The following EYA1 variants were observed in gnomAD, a reference collection of about 807,000 sequenced individuals.
EYA1 encodes protein phosphatase EYA1.
EYA1 carries 16 observed loss-of-function variants against 82.0 expected under a neutral mutation model. The observed-to-expected ratio is 0.20, with a 90% confidence interval of 0.13 to 0.30. The LOEUF (loss-of-function observed/expected upper bound fraction) is 0.30. EYA1 is among the 10% of genes least tolerant of loss of function. The pLI is 1.00. For synonymous variants in EYA1, 261 were observed against 264.4 expected, an observed-to-expected ratio of 0.99 and a Z score of 0.12; for missense variants, 633 against 730.7, an observed-to-expected ratio of 0.87 and a Z score of 1.54.
At chr8:71,237,120 C>T (rs1465653315) in intron 12 of EYA1, among the ~76,000 whole-genome samples, 2 of 151,628 alleles carry the variant, frequency 1.3e-5, no homozygotes, top group Non-Finnish European at 2.9e-5. Flanking sequence ...GGCATGATCT[C>T]GGCTTACTGC....
At chr8:71,269,915 G>A (rs1441431669) in intron 10 of EYA1, 92 bp from the exon 11 acceptor site, 14 of 911,802 alleles carry the variant, frequency 1.5e-5, no homozygotes, top group Admixed American at 3.5e-5. Context: ...ATCTTGAAAC[G>A]GAAGATGAAT....
intron 2 of EYA1, among the ~76,000 whole-genome samples, chr8:71,519,592 GC>G (rs1813235063): frequency 6.6e-6 from 1 of 151,202 alleles, no homozygotes; most frequent in African/African-American, 2.4e-5. Flanking sequence ...CAGTCTGGTT[GC>G]CTTCCTGATT....
intron 2 of EYA1, among the ~76,000 whole-genome samples, chr8:71,384,509 G>A (rs908148758): frequency 1.3e-5 from 2 of 152,186 alleles, no homozygotes; most frequent in Admixed American, 6.5e-5. Flanking sequence ...CTGGATGGCA[G>A]AATATATCAC....
At chr8:71,350,318 T>C (rs961707499) in intron 3 of EYA1, among the ~76,000 whole-genome samples, 7 of 152,142 alleles carry the variant, frequency 4.6e-5, no homozygotes, top group Non-Finnish European at 8.8e-5. Flanking sequence ...TTTTACAAAA[T>C]TAAAATTACA....
At chr8:71,249,174 C>G (rs1461502298) in intron 11 of EYA1, among the ~76,000 whole-genome samples, 1 of 152,094 alleles carries the variant, frequency 6.6e-6, no homozygotes, top group African/African-American at 2.4e-5. Context: ...GCTGTTTACT[C>G]TCTTCTTGAC....
At chr8:71,252,200 C>T (rs1213356637) in intron 11 of EYA1, among the ~76,000 whole-genome samples, 1 of 151,710 alleles carries the variant, frequency 6.6e-6, no homozygotes, top group Non-Finnish European at 1.5e-5. Context: ...TTTAATTTAC[C>T]AAGACTCTCA....
chr8:71,522,250 T>C (rs1181217557), intron 2 of EYA1, among the ~76,000 whole-genome samples: 2 of 152,190 alleles, frequency 1.3e-5, no homozygotes, highest in Non-Finnish European at 2.9e-5. Context: ...ACTTACTCTC[T>C]TTCATTAAGC....
At chr8:71,272,855 C>A (rs1385699109) in intron 9 of EYA1, among the ~76,000 whole-genome samples, 1 of 152,112 alleles carries the variant, frequency 6.6e-6, no homozygotes, top group East Asian at 1.9e-4. Flanking sequence ...GGAATCTCTC[C>A]ATCTAAGATG....
chr8:71,282,028 T>C (rs1000757174), intron 9 of EYA1, among the ~76,000 whole-genome samples: 14 of 152,188 alleles, frequency 9.2e-5, no homozygotes, highest in Non-Finnish European at 1.6e-4. Flanking sequence ...TACTCTCTCA[T>C]TGCCAAGGAA....
intron 11 of EYA1, among the ~76,000 whole-genome samples, chr8:71,250,326 G>A (rs946705568): frequency 6.6e-6 from 1 of 152,142 alleles, no homozygotes; most frequent in Non-Finnish European, 1.5e-5. Flanking sequence ...GTCCACACAG[G>A]TTCATGAACC....
intron 17 of EYA1, 101 bp downstream of exon 17, chr8:71,211,055 C>T: frequency 6.3e-6 from 5 of 796,310 alleles, no homozygotes; most frequent in Non-Finnish European, 9.1e-6. Flanking sequence ...ACATATTCAT[C>T]ACGTTTCACA....
chr8:71,411,481 T>A (rs1830584318), intron 2 of EYA1, among the ~76,000 whole-genome samples: 1 of 105,614 alleles, frequency 9.5e-6, no homozygotes, highest in Non-Finnish European at 1.9e-5. Context: ...AACCTACTCA[T>A]CTGACAAAGG....
rs1806498253 is a variant in EYA1, at chr8:71,198,312, A to ATTGTT, written c.*1023_*1027dup. 6.5e-6 allele frequency: 1 copy of ATTGTT among 152,734 alleles called. No individual in the cohort carries two copies. Among genetic ancestry groups the ATTGTT allele is most frequent in the Admixed American group, 6.5e-5 (1 of 15,296 alleles). 9.5% of individuals were successfully genotyped at this position (152,734 alleles called of 1,614,324 possible). ...GGTAGGAGAGCTCATTTTGTTTCAAATTGTTTAAGAAACTGCTGTGTTATT... is the reference window on the plus strand; with the variant it reads ...GGTAGGAGAGCTCATTTTGTTTCAAATTGTTTTGTTTAAGAAACTGCTGTGTTATT... On this transcript the variant is annotated 3_prime_UTR_variant, in exon 18 of 18. Transcript: ENST00000340726.
chr8:71,256,306 T>C (rs1814407250), intron 11 of EYA1, among the ~76,000 whole-genome samples: 1 of 152,168 alleles, frequency 6.6e-6, no homozygotes, highest in South Asian at 2.1e-4. Context: ...GCAACTCAAA[T>C]GACCATTGAT....
Position 71,334,103 on chromosome 8 carries a change from C to T in EYA1, c.196G>A (p.Gly66Ser). ...TCTAATATTTATTCCTTACCTGAAC[C>T]TGAGAAATTGTTTAAAGACCCGTCG... ...TADGSLNNFS[G>S]SAIGSSSFSP... Residue 66 changes from glycine to serine, a missense_variant, in exon 4 of 18, where the codon GGT becomes AGT. By Grantham distance (56) the Gly-to-Ser change is moderately conservative. Coordinates refer to ENST00000340726, the MANE Select transcript of EYA1 (RefSeq NM_000503.6). 1.2e-6 allele frequency: 2 copies of T among 1,612,368 alleles called. No homozygotes were observed. Among genetic ancestry groups the T allele is most frequent in the South Asian group, 2.2e-5 (2 of 91,052 alleles).
At chr8:71,489,891 G>C (rs146401493) in intron 2 of EYA1, among the ~76,000 whole-genome samples, 3 of 152,284 alleles carry the variant, frequency 2.0e-5, no homozygotes, top group African/African-American at 7.2e-5. Context: ...TTAAGAACTT[G>C]CAGCTTTGTG....
chr8:71,295,261 CT>C (rs1427723555), intron 9 of EYA1, among the ~76,000 whole-genome samples: 14 of 152,138 alleles, frequency 9.2e-5, no homozygotes, highest in Non-Finnish European at 1.8e-4. Context: ...AAAAACTTCT[CT>C]GCAAAAGACA....
intron 11 of EYA1, among the ~76,000 whole-genome samples, chr8:71,265,025 A>T (rs1380540077): frequency 6.6e-6 from 1 of 152,228 alleles, no homozygotes; most frequent in Non-Finnish European, 1.5e-5. Flanking sequence ...ATTTGAGTCT[A>T]GATCTACTTG....
At chr8:71,236,475 A>G (rs1265373478) in intron 12 of EYA1, among the ~76,000 whole-genome samples, 1 of 152,202 alleles carries the variant, frequency 6.6e-6, no homozygotes, top group African/African-American at 2.4e-5. Flanking sequence ...TTGTCTTAAA[A>G]CAAGTTTTAT....
Sources: gnomAD v4.1 joint callset for allele counts (sites outside exome capture counted in the v4.1 genomes callset) on GRCh38, gnomAD v4.1.1 for gene constraint, MANE v1.5 for transcripts, NCBI Gene and HGNC (gene_info 2026-07-23, HGNC 2026-07-21) for gene names.